OR5AN1: variants seen among roughly 807,000 people sequenced by gnomAD.
The protein encoded by OR5AN1 is olfactory receptor 5AN1.
For missense variants in OR5AN1, 476 were observed against 368.9 expected (o/e 1.29, Z -2.38); for synonymous variants, 167 against 131.8 (o/e 1.27, Z -1.83).
chr11:59,360,189 A>G (rs1170757282), intron 1 of OR5AN1: 2 of 152,200 alleles, frequency 1.3e-5, no homozygotes, highest in Non-Finnish European at 2.9e-5. Flanking sequence ...AGTACATTTA[A>G]TTATGTCTGC....
In OR5AN1 at chr11:59,369,494, A is replaced by G. The variant is rs1462249307; in HGVS notation, c.*4100A>G. 1.3e-5 allele frequency: 2 copies of G among 152,218 alleles called. No individual in the cohort carries two copies. The highest frequency in any genetic ancestry group is 2.9e-5 in the Non-Finnish European group (2 of 68,034). 9.4% of individuals were successfully genotyped at this position (152,218 alleles called of 1,614,324 possible). On this transcript the variant is annotated 3_prime_UTR_variant, in exon 2 of 2. Coordinates refer to ENST00000641998, the MANE Select transcript of OR5AN1 (RefSeq NM_001004729.2). The stretch of plus-strand genomic sequence containing the variant: ...CAATGCAATCAAAAGTATTAAGAGC[A>G]GAATAAACCAAGCTGAGGAAACAAT...
At chr11:59,359,910 C>T (rs1207993082) in intron 1 of OR5AN1, 2 of 152,202 alleles carry the variant, frequency 1.3e-5, no homozygotes, top group Admixed American at 1.3e-4. Context: ...ATTAGATTAG[C>T]ACTGGATAGG....
rs1241255243 is a variant in OR5AN1 at position 59,367,175 on chromosome 11, G to A, written c.*1781G>A. ...AAACTAGAGGAGAAGTGGAGGAGTG[G>A]GCAAGATGGCTGACCAGAAGCAGCT... On this transcript the variant is annotated 3_prime_UTR_variant, in exon 2 of 2. Transcript: ENST00000641998. 7 of 152,182 alleles carry A rather than the reference G, an allele frequency of 4.6e-5. No individual in the cohort carries two copies. Among genetic ancestry groups the A allele is most frequent in the African/African-American group, 1.7e-4 (7 of 41,428 alleles). The allele number at this position is 152,182 out of a possible 1,614,324, so 9.4% of individuals were successfully genotyped here.
At position 59,369,686 on chromosome 11, in the gene OR5AN1, T is replaced by C. The variant is rs1477959192; in HGVS notation, c.*4292T>C. 6.6e-6 allele frequency: 1 copy of C among 152,126 alleles called. No homozygotes were observed. The highest frequency in any genetic ancestry group is 1.5e-5 in the Non-Finnish European group (1 of 68,024). The allele number at this position is 152,126 out of a possible 1,614,324, so 9.4% of individuals were successfully genotyped here. Reference sequence around the variant, plus strand: ...GGAAGGAAGAAAACAACTTGGAAAATATATTTCAGAATATTGTCCATGAAA... The same window carrying C: ...GGAAGGAAGAAAACAACTTGGAAAACATATTTCAGAATATTGTCCATGAAA... On this transcript the variant is annotated 3_prime_UTR_variant, in exon 2 of 2. Transcript: ENST00000641998.
Position 59,369,551 on chromosome 11 carries a change from G to C in OR5AN1, c.*4157G>C, listed in dbSNP as rs1025357522. On this transcript the variant is annotated 3_prime_UTR_variant, in exon 2 of 2. Transcript: ENST00000641998. ...ACTTGATGCTGGTTCTCTGAAATAA[G>C]ACAGTCAGACACAAATAAAGAAAAA... The C allele has an allele frequency of 1.3e-5, 2 of 151,698 alleles. No individual in the cohort carries two copies. The highest frequency in any genetic ancestry group is 4.8e-5 in the African/African-American group (2 of 41,268). The allele number at this position is 151,698 out of a possible 1,614,324, so 9.4% of individuals were successfully genotyped here.
At position 59,364,774 on chromosome 11, in the gene OR5AN1, T is replaced by C. The variant is rs774253002; in HGVS notation, c.316T>C (p.Ser106Pro). The C allele has an allele frequency of 6.2e-7, 1 of 1,614,126 alleles. No homozygotes were observed. The highest frequency in any genetic ancestry group is 8.5e-7 in the Non-Finnish European group (1 of 1,179,976). Residue 106 changes from serine (S) to proline (P), a missense_variant, in exon 2 of 2, where the codon TCA becomes CCA. Ser to Pro is a moderately conservative substitution (Grantham distance 74). Transcript: ENST00000641998. ...TTGTATTATTCAGTACTTTATCTTTTCAACGATGGGACTGAGTGAGTCTTG... is the reference window on the plus strand; with the variant it reads ...TTGTATTATTCAGTACTTTATCTTTCCAACGATGGGACTGAGTGAGTCTTG... ...VGCIIQYFIF[S>P]TMGLSESCLM... is the part of the protein sequence containing the mutation.
rs1441224016 is a variant in OR5AN1, at chr11:59,365,371, T to C, written c.913T>C (p.Leu305=). The change falls in exon 2 of 2, where the codon TTG becomes CTG. Residue 305 remains leucine, a synonymous_variant. Coordinates refer to ENST00000641998, the MANE Select transcript of OR5AN1 (RefSeq NM_001004729.2). ...NKEIKDALKR[L]QKRKCC ...AGAAATTAAAGATGCCTTAAAGAGG[T>C]TGCAAAAGAGAAAGTGCTGCTGAGT... The C allele has an allele frequency of 4.4e-6, 7 of 1,596,730 alleles. No homozygotes were observed. Among genetic ancestry groups the C allele is most frequent in the Middle Eastern group, 1.7e-4 (1 of 5,998 alleles).
chr11:59,361,660 C>G (rs887871086), intron 1 of OR5AN1, among the ~76,000 whole-genome samples: 3 of 152,144 alleles, frequency 2.0e-5, no homozygotes, highest in Non-Finnish European at 4.4e-5. Context: ...ATCAGCTTCA[C>G]ATATAGATGA....
chr11:59,369,052 C>A lies in OR5AN1; in HGVS notation c.*3658C>A, dbSNP rs931555173. On this transcript the variant is annotated 3_prime_UTR_variant, in exon 2 of 2. Coordinates refer to ENST00000641998, the MANE Select transcript of OR5AN1 (RefSeq NM_001004729.2). ...GAAACAAGAGATAAGAAGTGAGCAT[C>A]AAACACAGACCCTACACAAAGCCTT... 6.6e-6 allele frequency: 1 copy of A among 152,070 alleles called. No individual in the cohort carries two copies. The highest frequency in any genetic ancestry group is 1.5e-5 in the Non-Finnish European group (1 of 68,024). The allele number at this position is 152,070 out of a possible 1,614,324, so 9.4% of individuals were successfully genotyped here.
At chr11:59,363,519 T>A (rs74560852) in intron 1 of OR5AN1, among the ~76,000 whole-genome samples, 3,610 of 152,306 alleles carry the variant, frequency 0.024, 69 homozygotes, top group Non-Finnish European at 0.038. Context: ...CAAAACTTTA[T>A]TGGACACCCA....
At position 59,366,627 on chromosome 11, in the gene OR5AN1, T is replaced by A. The variant is rs1344611996; in HGVS notation, c.*1233T>A. The A allele has an allele frequency of 1.3e-5, 2 of 152,230 alleles. No homozygotes were observed. The highest frequency in any genetic ancestry group is 2.9e-5 in the Non-Finnish European group (2 of 68,040). The allele number at this position is 152,230 out of a possible 1,614,324, so 9.4% of individuals were successfully genotyped here. A position where few individuals can be genotyped will look rare whatever the true frequency, so the allele number is the denominator to read the frequency against. On this transcript the variant is annotated 3_prime_UTR_variant, in exon 2 of 2. Coordinates refer to ENST00000641998, the MANE Select transcript of OR5AN1 (RefSeq NM_001004729.2). ...GTGATGCTGGGCAAGCCACACAATC[T>A]TTTGTGCCTCAGTTTTCTCATTTGT...
In OR5AN1 at chr11:59,365,100, T is replaced by A. The variant is rs936345977; in HGVS notation, c.642T>A (p.Val214=). 7 of 1,614,044 alleles carry A rather than the reference T, an allele frequency of 4.3e-6. No homozygotes were observed. The African/African-American group carries it at 9.3e-5, about 22-fold the overall frequency. The change falls in exon 2 of 2, where the codon GTT becomes GTA. Residue 214 remains valine, a synonymous_variant. Transcript: ENST00000641998. ...TMFFGIASAL[V]IMISYGYIGI... ...TCTTTGGGATAGCAAGTGCCCTAGT[T>A]ATCATGATATCCTATGGCTATATTG...
At chr11:59,359,489 G>GTT (rs1040619656) in intron 1 of OR5AN1, 17 of 152,104 alleles carry the variant, frequency 1.1e-4, no homozygotes, top group Admixed American at 1.0e-3. Flanking sequence ...ATGTTTCCCA[G>GTT]TTTTCTCCAC....
In OR5AN1 at chr11:59,371,469, G is replaced by C. The variant is rs1032272797; in HGVS notation, c.*6075G>C. On this transcript the variant is annotated 3_prime_UTR_variant, in exon 2 of 2. Coordinates refer to ENST00000641998, the MANE Select transcript of OR5AN1 (RefSeq NM_001004729.2). ...CAAAGCTGAAAGCACAATTTGTGCAGAAGGAGTTACGGTACAGCTAAGGCT... is the reference window on the plus strand; with the variant it reads ...CAAAGCTGAAAGCACAATTTGTGCACAAGGAGTTACGGTACAGCTAAGGCT... 3 of 152,326 alleles carry C rather than the reference G, an allele frequency of 2.0e-5. No individual in the cohort carries two copies. Among genetic ancestry groups the C allele is most frequent in the East Asian group, 1.9e-4 (1 of 5,194 alleles). The allele number at this position is 152,326 out of a possible 1,614,324, so 9.4% of individuals were successfully genotyped here. A position where few individuals can be genotyped will look rare whatever the true frequency, so the allele number is the denominator to read the frequency against.
Position 59,366,421 on chromosome 11 carries a change from T to A in OR5AN1, c.*1027T>A, listed in dbSNP as rs1057208679. On this transcript the variant is annotated 3_prime_UTR_variant, in exon 2 of 2. Coordinates refer to ENST00000641998, the MANE Select transcript of OR5AN1 (RefSeq NM_001004729.2). ...CTACTCTACATCAGCCAGTCCCAGC[T>A]GATCTCCAGATGATCTGAGGATATG... 4 of 152,240 alleles carry A rather than the reference T, an allele frequency of 2.6e-5. No homozygotes were observed. The highest frequency in any genetic ancestry group is 6.5e-5 in the Admixed American group (1 of 15,280). The allele number at this position is 152,240 out of a possible 1,614,324, so 9.4% of individuals were successfully genotyped here.
rs577876809 is a variant in OR5AN1, at chr11:59,360,511, G to A, written c.-14+1239G>A. Among the ~76,000 whole-genome samples, 77 of 151,838 alleles carry A rather than the reference G, an allele frequency of 5.1e-4. No homozygotes were observed. The South Asian group carries it at 9.6e-3, about 19-fold the overall frequency. ...AATGTGTTTCATGGTGGTTTTCTGC[G>A]CCTATCAACCCATCACCTAAGTATT... On this transcript the variant is annotated intron_variant, in intron 1 of 1. Transcript: ENST00000641998.
At chr11:59,364,406 G>T (rs1236956257) in intron 1 of OR5AN1, 40 bp from the exon 2 acceptor site, 2 of 1,264,490 alleles carry the variant, frequency 1.6e-6, no homozygotes, top group African/African-American at 3.0e-5. Context: ...CACTTCAACT[G>T]AGTTAGCAAT....
intron 1 of OR5AN1, among the ~76,000 whole-genome samples, chr11:59,361,071 G>A (rs975058312): frequency 3.3e-5 from 5 of 152,130 alleles, no homozygotes; most frequent in African/African-American, 1.2e-4. Context: ...GCAGCATCAG[G>A]AGTTGACAAT....
rs141092177 is a variant in OR5AN1 at position 59,360,039 on chromosome 11, G to C, written c.-14+767G>C. On this transcript the variant is annotated intron_variant, in intron 1 of 1. Transcript: ENST00000641998. ...ATATGCAAGGAATTAATCAAAGAGA[G>C]TGAATGTATCCAGAGTTTTTTCTCT... is the stretch of plus-strand genomic sequence containing the variant. The C allele has an allele frequency of 4.8e-4, 73 of 152,334 alleles. 1 individual carries two copies. The highest frequency in any genetic ancestry group is 1.7e-3 in the African/African-American group (69 of 41,570). The allele number at this position is 152,334 out of a possible 1,614,324, so 9.4% of individuals were successfully genotyped here.
Sources: gnomAD v4.1 joint callset for allele counts (sites outside exome capture counted in the v4.1 genomes callset) on GRCh38, gnomAD v4.1.1 for gene constraint, MANE v1.5 for transcripts, NCBI Gene and HGNC (gene_info 2026-07-23, HGNC 2026-07-21) for gene names.